The following NELFB variants were observed in gnomAD, a reference collection of about 807,000 sequenced individuals.
NELFB encodes the protein negative elongation factor B.
A neutral mutation model predicts 60.2 loss-of-function variants in NELFB; 34 were observed. The ratio of observed to expected loss-of-function variants is 0.56; its 90% CI spans 0.43 to 0.75. NELFB has a LOEUF of 0.75. Among genes scored for constraint, NELFB ranks in the 30% least tolerant of loss-of-function variants. The pLI is 0.00. For synonymous variants in NELFB, 459 were observed against 382.1 expected, an observed-to-expected ratio of 1.20 and a Z score of -2.35; for missense variants, 770 against 831.6, an observed-to-expected ratio of 0.93 and a Z score of 0.91.
chr9:137,267,393 T>C, intron 10 of NELFB, 47 bp downstream of exon 10: 2 of 1,536,590 alleles, frequency 1.3e-6, no homozygotes, highest in East Asian at 2.4e-5. Context: ...CTGCGGCAGC[T>C]GCCGTATGCA....
chr9:137,268,179 C>T (rs1830542712), intron 10 of NELFB, among the ~76,000 whole-genome samples: 1 of 152,232 alleles, frequency 6.6e-6, no homozygotes, highest in Non-Finnish European at 1.5e-5. Context: ...TTGCGGTACC[C>T]ACTGTGACAC....
chr9:137,271,257 T>TC (rs765130109), intron 10 of NELFB, among the ~76,000 whole-genome samples: 15 of 152,236 alleles, frequency 9.9e-5, no homozygotes, highest in Non-Finnish European at 2.1e-4. Context: ...GGCAGGCACC[T>TC]CGGGGGCCTG....
At chr9:137,255,636 G>T in intron 1 of NELFB, 25 bp downstream of exon 1, 3 of 1,535,046 alleles carry the variant, frequency 2.0e-6, no homozygotes, top group Non-Finnish European at 2.6e-6. Context: ...GGGGCGGGGG[G>T]AGCCCAGTTG....
In NELFB at chr9:137,255,486, C is replaced by T. The variant is rs546268675; in HGVS notation, c.121C>T (p.Arg41Trp). ...ACGGGCTGGGGATGGGGCGCCTAGC[C>T]GGGCGGTGGCCGGGGCCTCGGCCAT... The change falls in exon 1 of 13, where the codon CGG (arginine) becomes TGG (tryptophan). Residue 41 changes from arginine (R) to tryptophan (W), a missense_variant. Transcript: ENST00000343053. 673 of 1,524,720 alleles carry T rather than the reference C, an allele frequency of 4.4e-4. 1 individual carries two copies. The highest frequency in any genetic ancestry group is 5.6e-4 in the Non-Finnish European group (633 of 1,137,456). The allele number at this position is 1,524,720 out of a possible 1,614,324, so 94.4% of individuals were successfully genotyped here.
At chr9:137,268,796 A>T (rs1226042797) in intron 10 of NELFB, among the ~76,000 whole-genome samples, 1 of 152,114 alleles carries the variant, frequency 6.6e-6, no homozygotes, top group Non-Finnish European at 1.5e-5. Flanking sequence ...AAGATGAGAG[A>T]CACAGAGACA....
In NELFB at chr9:137,272,914, C is replaced by A; in HGVS notation, c.1873C>A (p.Pro625Thr). ...GCTGCCCCTCCCCAGCGTGCCCGCC[C>A]CTGCCCCGCTCTGAGGGCCCTCCAG... The change falls in exon 13 of 13, where the codon CCT (proline) becomes ACT (threonine). Residue 625 changes from proline to threonine, a missense_variant. Coordinates refer to ENST00000343053, the MANE Select transcript of NELFB (RefSeq NM_015456.5). The A allele has an allele frequency of 6.5e-7, 1 of 1,537,112 alleles. No individual in the cohort carries two copies. Among genetic ancestry groups the A allele is most frequent in the Non-Finnish European group, 8.8e-7 (1 of 1,139,590 alleles).
Position 137,272,128 on chromosome 9 carries a change from C to T in NELFB, c.1537C>T (p.Leu513Phe), listed in dbSNP as rs375476350. Reference sequence around the variant, plus strand: ...CTTTGGCGACATCTTCCTCCACCTGCTCACGGGCAACCTTGCGCTGCTGGC... The same window carrying T: ...CTTTGGCGACATCTTCCTCCACCTGTTCACGGGCAACCTTGCGCTGCTGGC... The change falls in exon 11 of 13, where the codon CTC (leucine) becomes TTC (phenylalanine). Residue 513 changes from leucine (L) to phenylalanine (F), a missense_variant. Transcript: ENST00000343053. The T allele has an allele frequency of 3.1e-6, 5 of 1,614,230 alleles. No homozygotes were observed. The highest frequency in any genetic ancestry group is 3.4e-6 in the Non-Finnish European group (4 of 1,180,036).
intron 4 of NELFB, among the ~76,000 whole-genome samples, chr9:137,259,306 G>A (rs1042380465): frequency 3.2e-4 from 48 of 152,216 alleles, no homozygotes; most frequent in African/African-American, 1.1e-3. Context: ...CACTTCAAAC[G>A]CTGAGCAGTT....
Position 137,265,926 on chromosome 9 carries a change from C to G in NELFB, c.1090C>G (p.Leu364Val). ...CCCCTTCGCCATCAACACGCTGGCA[C>G]TGAGCACAGTCAGGCACCTGCAGGA... is the stretch of plus-strand genomic sequence containing the variant. The change falls in exon 7 of 13, where the codon CTG becomes GTG. Residue 364 changes from leucine to valine, a missense_variant. By Grantham distance (32) the Leu-to-Val change is conservative. Transcript: ENST00000343053. 1.9e-6 allele frequency: 3 copies of G among 1,613,268 alleles called. No individual in the cohort carries two copies. Among genetic ancestry groups the G allele is most frequent in the Non-Finnish European group, 2.5e-6 (3 of 1,179,948 alleles).
intron 10 of NELFB, 142 bp downstream of exon 10, chr9:137,267,488 AC>A (rs200275558): frequency 8.3e-6 from 4 of 479,460 alleles, no homozygotes; most frequent in African/African-American, 2.5e-5. Context: ...CTTTGTTTTC[AC>A]CTTTTTTTTT....
At chr9:137,268,709 AGAGAGCACGGGCAG>A (rs1432880741) in intron 10 of NELFB, among the ~76,000 whole-genome samples, 1 of 152,318 alleles carries the variant, frequency 6.6e-6, no homozygotes, top group African/African-American at 2.4e-5. Flanking sequence ...GCAGAGGGCA[AGAGAGCACGGGCAG>A]GGGAGACAGA....
At chr9:137,272,243 C>T (rs772424172) in intron 11 of NELFB, 21 bp downstream of exon 11, 55 of 1,612,770 alleles carry the variant, frequency 3.4e-5, no homozygotes, top group Non-Finnish European at 4.1e-5. Context: ...TGGGTACCAT[C>T]CGGCCCGCTC....
At chr9:137,255,795 G>A in intron 1 of NELFB, 112 bp from the exon 2 acceptor site, 1 of 1,538,320 alleles carries the variant, frequency 6.5e-7, no homozygotes, top group Admixed American at 1.8e-5. Flanking sequence ...GGTGGCTGCG[G>A]TTACCGCCAG....
intron 3 of NELFB, 104 bp downstream of exon 3, chr9:137,256,532 G>C: frequency 9.8e-7 from 1 of 1,021,904 alleles, no homozygotes; most frequent in South Asian, 1.4e-5. Context: ...AGCTTCCTGT[G>C]CTGCCTGCCC....
Position 137,257,072 on chromosome 9 carries a change from G to C in NELFB, c.741+18G>C. 6.2e-7 allele frequency: 1 copy of C among 1,602,308 alleles called. No homozygotes were observed. The highest frequency in any genetic ancestry group is 8.5e-7 in the Non-Finnish European group (1 of 1,173,054). The stretch of plus-strand genomic sequence containing the variant: ...AGGGCGAGGTGAGGGGACAGGCCGT[G>C]TGCGGGGTGGGGCACCTCTTGGGGA... On this transcript the variant is annotated intron_variant, in intron 4 of 12. Transcript: ENST00000343053.
At position 137,272,830 on chromosome 9, in the gene NELFB, G is replaced by A. The variant is rs1830600307; in HGVS notation, c.1789G>A (p.Glu597Lys). 6.5e-6 allele frequency: 10 copies of A among 1,550,080 alleles called. No individual in the cohort carries two copies. The East Asian group carries it at 2.4e-4, about 38-fold the overall frequency. The change falls in exon 13 of 13, where the codon GAA becomes AAA. Residue 597 changes from glutamate (E) to lysine (K), a missense_variant. Glu to Lys is a moderately conservative substitution (Grantham distance 56). Transcript: ENST00000343053. The stretch of plus-strand genomic sequence containing the variant: ...TTACTCCCAGCTCGGCGAGAAGCTG[G>A]AACAGCTGGATCACCGGAAGCCCAG...
intron 8 of NELFB, among the ~76,000 whole-genome samples, chr9:137,266,635 T>A (rs1349523051): frequency 6.6e-6 from 1 of 151,908 alleles, no homozygotes; most frequent in African/African-American, 2.4e-5. Context: ...CTGGGGTATC[T>A]CCATGGCCCG....
Position 137,255,932 on chromosome 9 carries a change from C to A in NELFB, c.272C>A (p.Ser91Tyr). The change falls in exon 2 of 13, where the codon TCT (serine) becomes TAT (tyrosine). Residue 91 changes from serine to tyrosine, a missense_variant. By Grantham distance (144) the Ser-to-Tyr change is moderately radical (BLOSUM62 -2). Coordinates refer to ENST00000343053, the MANE Select transcript of NELFB (RefSeq NM_015456.5). ...ACAGAGAATGGTGTGCTGCTGCCATCTCTTCAGTCAGCCCTCCCCTTCTTG... is the reference window on the plus strand; with the variant it reads ...ACAGAGAATGGTGTGCTGCTGCCATATCTTCAGTCAGCCCTCCCCTTCTTG... 6.2e-7 allele frequency: 1 copy of A among 1,614,066 alleles called. No individual in the cohort carries two copies. Among genetic ancestry groups the A allele is most frequent in the Non-Finnish European group, 8.5e-7 (1 of 1,180,022 alleles).
At position 137,256,997 on chromosome 9, in the gene NELFB, G is replaced by A. The variant is rs1837563946; in HGVS notation, c.684G>A (p.Glu228=). Residue 228 remains glutamate, a synonymous_variant, in exon 4 of 13, where the codon GAG becomes GAA. Coordinates refer to ENST00000343053, the MANE Select transcript of NELFB (RefSeq NM_015456.5). ...AGGAGAGCGCTCTCTTCAGTACAGA[G>A]CTCTCTGTCCTGCACAACTTTTTCA... 1.2e-6 allele frequency: 2 copies of A among 1,614,026 alleles called. No homozygotes were observed. The highest frequency in any genetic ancestry group is 1.7e-6 in the Non-Finnish European group (2 of 1,180,036).
Sources: allele counts gnomAD v4.1 joint callset (sites outside exome capture counted in the v4.1 genomes callset), GRCh38; gene constraint gnomAD v4.1.1; transcripts MANE v1.5; gene names NCBI Gene and HGNC (gene_info 2026-07-23, HGNC 2026-07-21).